The following PDE3A variants were observed in gnomAD, a reference collection of about 807,000 sequenced individuals.
PDE3A encodes the protein cGMP-inhibited 3',5'-cyclic phosphodiesterase 3A.
Under a neutral mutation model 98.3 loss-of-function variants are expected in PDE3A, and 43 were observed. The observed-to-expected ratio is 0.44, with a 90% CI of 0.34 to 0.56. The LOEUF is 0.56. PDE3A is among the 20% of genes least tolerant of loss of function. PDE3A has a pLI of 0.01. For synonymous variants in PDE3A, 663 were observed against 567.9 expected (o/e 1.17, Z -2.38); for missense variants, 1,427 against 1,440.7 (o/e 0.99, Z 0.15).
At chr12:20,402,366 C>A (rs1944148806) in intron 1 of PDE3A, among the ~76,000 whole-genome samples, 1 of 152,038 alleles carries the variant, frequency 6.6e-6, no homozygotes, top group African/African-American at 2.4e-5. Context: ...CCAGACTGGT[C>A]TCGAACTCCT....
At chr12:20,579,408 T>A (rs571105031) in intron 2 of PDE3A, among the ~76,000 whole-genome samples, 70 of 147,466 alleles carry the variant, frequency 4.7e-4, no homozygotes, top group African/African-American at 1.3e-3. Context: ...CTTTTTTTTT[T>A]ATCCTTGCAA....
intron 2 of PDE3A, among the ~76,000 whole-genome samples, chr12:20,600,830 C>T (rs968599501): frequency 5.3e-5 from 8 of 152,070 alleles, no homozygotes. Context: ...TGCAATTGTG[C>T]TAGGAGGTTG....
intron 2 of PDE3A, among the ~76,000 whole-genome samples, chr12:20,593,323 G>A (rs897845905): frequency 6.6e-6 from 1 of 152,106 alleles, no homozygotes; most frequent in Non-Finnish European, 1.5e-5. Flanking sequence ...GGAAAAGGGC[G>A]GCGGGTTAAA....
At chr12:20,436,054 G>C (rs1944774206) in intron 1 of PDE3A, among the ~76,000 whole-genome samples, 1 of 152,170 alleles carries the variant, frequency 6.6e-6, no homozygotes, top group Non-Finnish European at 1.5e-5. Context: ...CTCAAAGTAA[G>C]ACTTGTCAAC....
In PDE3A at chr12:20,596,892, T is replaced by C. The variant is rs557197518; in HGVS notation, c.1012-16551T>C. On this transcript the variant is annotated intron_variant, in intron 2 of 15. Transcript: ENST00000359062. Reference sequence around the variant, plus strand: ...AAGTGTTTATTTAAAAAAAATACCGTATAGCAAATTGGCAAGGATATTTTC... The same window carrying C: ...AAGTGTTTATTTAAAAAAAATACCGCATAGCAAATTGGCAAGGATATTTTC... Among the ~76,000 whole-genome samples the C allele has an allele frequency of 8.5e-5, 13 of 152,238 alleles. No individual in the cohort carries two copies. The East Asian group carries it at 2.3e-3, about 27-fold the overall frequency.
At chr12:20,467,359 A>C (rs1307003912) in intron 1 of PDE3A, among the ~76,000 whole-genome samples, 1 of 151,620 alleles carries the variant, frequency 6.6e-6, no homozygotes, top group African/African-American at 2.4e-5. Flanking sequence ...GATTTATATT[A>C]ATAAAGATAG....
intron 1 of PDE3A, among the ~76,000 whole-genome samples, chr12:20,425,511 T>C (rs1412456490): frequency 6.6e-6 from 1 of 152,136 alleles, no homozygotes; most frequent in Admixed American, 6.5e-5. Context: ...ATTTATAAAA[T>C]TGATATTTAA....
chr12:20,452,338 T>G (rs1253764829), intron 1 of PDE3A, among the ~76,000 whole-genome samples: 1 of 152,002 alleles, frequency 6.6e-6, no homozygotes, highest in Non-Finnish European at 1.5e-5. Flanking sequence ...GTCATTTGTC[T>G]TAATGTGTAT....
At chr12:20,471,311 C>A (rs1008017797) in intron 1 of PDE3A, among the ~76,000 whole-genome samples, 1 of 152,116 alleles carries the variant, frequency 6.6e-6, no homozygotes, top group Non-Finnish European at 1.5e-5. Context: ...ATCTTTGGAG[C>A]TTTTAACTAT....
At chr12:20,405,412 AT>A (rs1388256169) in intron 1 of PDE3A, among the ~76,000 whole-genome samples, 1 of 151,810 alleles carries the variant, frequency 6.6e-6, no homozygotes, top group African/African-American at 2.4e-5. Flanking sequence ...TTCATCTTTC[AT>A]TCCCCATTTC....
chr12:20,557,436 G>T (rs959468860), intron 2 of PDE3A, among the ~76,000 whole-genome samples: 1 of 152,162 alleles, frequency 6.6e-6, no homozygotes, highest in Non-Finnish European at 1.5e-5. Flanking sequence ...CTCATGGCAG[G>T]CTATGGTTAC....
intron 15 of PDE3A, among the ~76,000 whole-genome samples, chr12:20,656,684 G>A (rs1419606510): frequency 3.3e-5 from 5 of 152,062 alleles, no homozygotes; most frequent in South Asian, 2.1e-4. Flanking sequence ...GTAGTTTGCT[G>A]TCTTACTAAG....
intron 4 of PDE3A, among the ~76,000 whole-genome samples, 163 bp downstream of exon 4, chr12:20,616,547 T>G (rs1272350174): frequency 6.6e-6 from 1 of 152,172 alleles, no homozygotes. Flanking sequence ...GTATAGGGGT[T>G]AACATCAGAT....
At chr12:20,404,239 A>G (rs137892296) in intron 1 of PDE3A, among the ~76,000 whole-genome samples, 11 of 152,226 alleles carry the variant, frequency 7.2e-5, no homozygotes, top group African/African-American at 2.6e-4. Flanking sequence ...GTTTCTTTTA[A>G]TAAATTTGTT....
intron 15 of PDE3A, among the ~76,000 whole-genome samples, chr12:20,673,537 C>A (rs1565473055): frequency 1.3e-5 from 2 of 148,162 alleles, no homozygotes; most frequent in African/African-American, 2.5e-5. Context: ...ATGATGAGTT[C>A]ATGTCCTTTG....
chr12:20,481,764 A>ATTTT (rs10657239), intron 1 of PDE3A, among the ~76,000 whole-genome samples: 2,043 of 79,422 alleles, frequency 0.026, 262 homozygotes, highest in East Asian at 0.082. Flanking sequence ...TGGGAAATAG[A>ATTTT]TTTTTTTTTT....
At chr12:20,422,206 C>T (rs1003833036) in intron 1 of PDE3A, among the ~76,000 whole-genome samples, 1 of 151,954 alleles carries the variant, frequency 6.6e-6, no homozygotes, top group African/African-American at 2.4e-5. Flanking sequence ...ATTAGCCGGG[C>T]ATGGTGGCGG....
At chr12:20,437,832 G>T (rs1486399669) in intron 1 of PDE3A, among the ~76,000 whole-genome samples, 2 of 152,084 alleles carry the variant, frequency 1.3e-5, no homozygotes, top group African/African-American at 4.8e-5. Flanking sequence ...TACTCATACA[G>T]CTTACATTTT....
At chr12:20,384,949 G>T (rs939911805) in intron 1 of PDE3A, among the ~76,000 whole-genome samples, 6 of 152,166 alleles carry the variant, frequency 3.9e-5, no homozygotes, top group South Asian at 2.1e-4. Flanking sequence ...CATTTGAGTT[G>T]ATTCCATGTC....
Sources: gnomAD v4.1 joint callset for allele counts (sites outside exome capture counted in the v4.1 genomes callset) on GRCh38, gnomAD v4.1.1 for gene constraint, MANE v1.5 for transcripts, NCBI Gene and HGNC (gene_info 2026-07-23, HGNC 2026-07-21) for gene names.